Variants in SYN3 observed in about 807,000 individuals in gnomAD.
SYN3 encodes the protein synapsin III, also known as synapsin-3.
A neutral mutation model predicts 65.8 loss-of-function variants in SYN3; 35 were observed. That is an observed-to-expected ratio of 0.53 (90% confidence interval 0.41 to 0.70). The LOEUF (loss-of-function observed/expected upper bound fraction) is 0.70, where lower values mean the gene tolerates loss of function less well. SYN3 is among the 30% of genes least tolerant of loss of function. The probability of loss-of-function intolerance (pLI) is 0.00; values close to 1 mark genes in which losing one functional copy is unlikely to be tolerated. For missense variants in SYN3, 680 were observed against 749.0 expected (o/e 0.91, Z 1.08); for synonymous variants, 270 against 292.9 (o/e 0.92, Z 0.80).
intron 7 of SYN3, among the ~76,000 whole-genome samples, chr22:32,545,494 TG>T (rs1365806291): frequency 6.6e-6 from 1 of 151,980 alleles, no homozygotes; most frequent in Non-Finnish European, 1.5e-5. Flanking sequence ...TTCGTTTGAG[TG>T]GTTGTGCACT....
At chr22:32,820,273 TGTGTGTGTGTGTGTG>T (rs988481493) in intron 6 of SYN3, among the ~76,000 whole-genome samples, 11 of 150,004 alleles carry the variant, frequency 7.3e-5, no homozygotes, top group Non-Finnish European at 1.6e-4. Flanking sequence ...CGTGCGCGTG[TGTGTGTGTGTGTGTG>T]GTGTGTGTGG....
chr22:33,001,068 A>G (rs1327196532), intron 2 of SYN3, among the ~76,000 whole-genome samples: 1 of 152,170 alleles, frequency 6.6e-6, no homozygotes, highest in Non-Finnish European at 1.5e-5. Flanking sequence ...GGTGGTAGGA[A>G]GTCTCTGTCA....
intron 6 of SYN3, among the ~76,000 whole-genome samples, chr22:32,751,279 C>G (rs2045113975): frequency 6.6e-6 from 1 of 152,134 alleles, no homozygotes; most frequent in South Asian, 2.1e-4. Flanking sequence ...CTGACCTTAG[C>G]AGGCGCAATT....
At chr22:32,743,418 C>T (rs1371471533) in intron 6 of SYN3, among the ~76,000 whole-genome samples, 1 of 152,108 alleles carries the variant, frequency 6.6e-6, no homozygotes, top group Non-Finnish European at 1.5e-5. Context: ...TCCCTTCTAA[C>T]CAGGGGCAGT....
In SYN3 at chr22:32,533,886, C is replaced by T. The variant is rs772122797; in HGVS notation, c.1002G>A (p.Leu334=). 9 of 1,613,004 alleles carry T rather than the reference C, an allele frequency of 5.6e-6. No homozygotes were observed. Among genetic ancestry groups the T allele is most frequent in the Middle Eastern group, 1.6e-4 (1 of 6,078 alleles). The change falls in exon 10 of 14, where the codon CTG becomes CTA. Residue 334 remains leucine (L), a synonymous_variant. Transcript: ENST00000358763. ...ACATTTCCGAGCAGCTGTCCACCCA[C>T]AGCCTGTACCTGCAGGGACAGATGG... is the stretch of plus-strand genomic sequence containing the variant. ...EQVAMTERYR[L]WVDSCSEMFG...
At chr22:32,662,935 A>C (rs1351604957) in intron 6 of SYN3, among the ~76,000 whole-genome samples, 2 of 152,242 alleles carry the variant, frequency 1.3e-5, no homozygotes, top group African/African-American at 4.8e-5. Flanking sequence ...AGAAAAGCAA[A>C]CAACCAACCA....
rs577232720 is a variant in SYN3 at position 32,934,975 on chromosome 22, GA to G, written c.370-3495del. Among the ~76,000 whole-genome samples the G allele has an allele frequency of 2.2e-4, 33 of 152,328 alleles. 1 individual carries two copies. In the South Asian group the frequency reaches 6.8e-3, roughly 32 times the overall value. ...AAATGCTGAGAGTCACTAGAAGCTG[GA>G]GGAGCCAAGGAAGGTCTCCCCTGGA... On this transcript the variant is annotated intron_variant, in intron 3 of 13. Coordinates refer to ENST00000358763, the MANE Select transcript of SYN3 (RefSeq NM_003490.4).
At chr22:32,835,269 A>G (rs573686645) in intron 6 of SYN3, among the ~76,000 whole-genome samples, 7 of 152,306 alleles carry the variant, frequency 4.6e-5, no homozygotes, top group African/African-American at 1.7e-4. Context: ...AGCACCTACT[A>G]TGTTCCAGAC....
chr22:32,931,244 C>T, intron 4 of SYN3, 146 bp downstream of exon 4: 1 of 617,042 alleles, frequency 1.6e-6, no homozygotes, highest in Non-Finnish European at 3.0e-6. Context: ...ATTACTACTG[C>T]AACCACACCT....
intron 3 of SYN3, among the ~76,000 whole-genome samples, chr22:32,963,420 A>G (rs1421062454): frequency 2.0e-5 from 3 of 151,950 alleles, no homozygotes; most frequent in Non-Finnish European, 4.4e-5. Context: ...TGTTTAGGGG[A>G]AGGAAAACCT....
chr22:33,002,364 C>T (rs1379293067), intron 2 of SYN3, among the ~76,000 whole-genome samples: 2 of 152,158 alleles, frequency 1.3e-5, no homozygotes, highest in Non-Finnish European at 2.9e-5. Flanking sequence ...ATAAATAGCA[C>T]CAGGTGCGGT....
At chr22:32,845,569 G>A (rs2048036826) in intron 6 of SYN3, among the ~76,000 whole-genome samples, 1 of 152,124 alleles carries the variant, frequency 6.6e-6, no homozygotes, top group Non-Finnish European at 1.5e-5. Flanking sequence ...ATTTCTTGTT[G>A]TCACCCTCAC....
chr22:32,537,908 A>G, intron 9 of SYN3, 128 bp downstream of exon 9: 2 of 724,252 alleles, frequency 2.8e-6, no homozygotes, highest in Non-Finnish European at 4.8e-6. Context: ...TGTCTAAAAA[A>G]GTGCTCTGTG....
At chr22:32,764,403 A>G (rs911381858) in intron 6 of SYN3, among the ~76,000 whole-genome samples, 1 of 152,158 alleles carries the variant, frequency 6.6e-6, no homozygotes, top group African/African-American at 2.4e-5. Context: ...CACCCTTTGT[A>G]GAGAAGCCGG....
chr22:32,665,234 G>A (rs910777917), intron 6 of SYN3, among the ~76,000 whole-genome samples: 6 of 151,956 alleles, frequency 3.9e-5, no homozygotes, highest in Non-Finnish European at 7.4e-5. Context: ...CTGGCCTCAG[G>A]TGATCCACCC....
At chr22:33,045,397 C>T (rs1330293186) in intron 1 of SYN3, among the ~76,000 whole-genome samples, 1 of 151,230 alleles carries the variant, frequency 6.6e-6, no homozygotes, top group Admixed American at 6.6e-5. Flanking sequence ...TATGTTACTA[C>T]TCTCACCGTC....
intron 6 of SYN3, among the ~76,000 whole-genome samples, chr22:32,650,144 A>G (rs1209926934): frequency 1.3e-5 from 2 of 152,064 alleles, no homozygotes; most frequent in Admixed American, 6.5e-5. Flanking sequence ...TCCAACAGTT[A>G]TGACAACGGC....
intron 6 of SYN3, among the ~76,000 whole-genome samples, chr22:32,677,291 G>C (rs1236091123): frequency 3.6e-5 from 5 of 137,570 alleles, no homozygotes; most frequent in South Asian, 2.1e-4. Flanking sequence ...AGCTTTCGAG[G>C]AGTGTGCCAG....
At chr22:32,775,455 C>A (rs1012335829) in intron 6 of SYN3, among the ~76,000 whole-genome samples, 1 of 152,198 alleles carries the variant, frequency 6.6e-6, no homozygotes, top group Non-Finnish European at 1.5e-5. Context: ...GTTCCCACTT[C>A]CCATAGCAGA....
Sources: allele counts gnomAD v4.1 joint callset (sites outside exome capture counted in the v4.1 genomes callset), GRCh38; gene constraint gnomAD v4.1.1; transcripts MANE v1.5; gene names NCBI Gene and HGNC (gene_info 2026-07-23, HGNC 2026-07-21).